Variants in DMXL1 observed in about 807,000 individuals in gnomAD.
DMXL1 encodes the protein dmX-like protein 1.
DMXL1 carries 99 observed loss-of-function variants against 319.2 expected under a neutral mutation model. That is an observed-to-expected ratio of 0.31 (90% CI 0.26 to 0.37). The LOEUF (loss-of-function observed/expected upper bound fraction) is 0.37. DMXL1 is among the 10% of genes least tolerant of loss of function. The probability of loss-of-function intolerance (pLI) is 1.00; values close to 1 mark genes in which losing one functional copy is unlikely to be tolerated. For synonymous variants in DMXL1, 1,385 were observed against 1,235.2 expected, an observed-to-expected ratio of 1.12 and a Z score of -2.54; for missense variants, 3,745 against 3,595.6, an observed-to-expected ratio of 1.04 and a Z score of -1.06.
intron 10 of DMXL1, among the ~76,000 whole-genome samples, chr5:119,130,051 G>T (rs1764488542): frequency 6.6e-6 from 1 of 151,958 alleles, no homozygotes; most frequent in Non-Finnish European, 1.5e-5. Context: ...TGTGCAGCTA[G>T]CCATCTCTGT....
chr5:119,212,056 T>C (rs1782895727), intron 34 of DMXL1, among the ~76,000 whole-genome samples: 1 of 152,206 alleles, frequency 6.6e-6, no homozygotes. Flanking sequence ...TGGTAAAATA[T>C]AAATAACATA....
At chr5:119,117,984 CTTTT>C (rs1761212568) in intron 7 of DMXL1, among the ~76,000 whole-genome samples, 1 of 152,172 alleles carries the variant, frequency 6.6e-6, no homozygotes, top group Admixed American at 6.5e-5. Context: ...AATATTGTGA[CTTTT>C]TCTTTCTTTC....
intron 30 of DMXL1, among the ~76,000 whole-genome samples, chr5:119,194,527 A>G (rs1401774876): frequency 2.6e-5 from 4 of 151,998 alleles, no homozygotes; most frequent in Admixed American, 2.0e-4. Flanking sequence ...TAAAACGTGT[A>G]TGTTTTACTA....
At chr5:119,107,800 CCT>C (rs1281997143) in intron 4 of DMXL1, among the ~76,000 whole-genome samples, 2 of 151,644 alleles carry the variant, frequency 1.3e-5, no homozygotes, top group Admixed American at 6.6e-5. Flanking sequence ...TTTTTTGGCC[CCT>C]GTCTATGAAA....
intron 4 of DMXL1, among the ~76,000 whole-genome samples, chr5:119,105,786 A>T (rs1202236782): frequency 2.0e-5 from 3 of 151,948 alleles, no homozygotes; most frequent in Admixed American, 2.0e-4. Context: ...AATCCCAGCT[A>T]CTTGGGAGGC....
At chr5:119,191,234 A>T (rs1219944932) in intron 29 of DMXL1, among the ~76,000 whole-genome samples, 1 of 152,150 alleles carries the variant, frequency 6.6e-6, no homozygotes, top group Non-Finnish European at 1.5e-5. Flanking sequence ...CTGCCTATAT[A>T]AGTATCTTTC....
intron 43 of DMXL1, among the ~76,000 whole-genome samples, chr5:119,245,940 C>T (rs1789678963): frequency 6.6e-6 from 1 of 151,396 alleles, no homozygotes; most frequent in Non-Finnish European, 1.5e-5. Context: ...ATTCAGAAGC[C>T]CTAATTTAAC....
chr5:119,150,260 C>A lies in DMXL1; in HGVS notation c.4433C>A (p.Pro1478Gln), dbSNP rs376786107. The change falls in exon 18 of 44, where the codon CCG becomes CAG. Residue 1478 changes from proline to glutamine, a missense_variant. Transcript: ENST00000539542. ...GTTATTGACCTTTCACAGTACAGTC[C>A]GACTTACTTTGGACCTGAGCATGCT... ...PRVIDLSQYS[P>Q]TYFGPEHAQV... 6.2e-7 allele frequency: 1 copy of A among 1,613,462 alleles called. No homozygotes were observed. Among genetic ancestry groups the A allele is most frequent in the African/African-American group, 1.3e-5 (1 of 74,788 alleles).
At chr5:119,142,412 C>CA (rs1767582441) in intron 13 of DMXL1, among the ~76,000 whole-genome samples, 1 of 149,356 alleles carries the variant, frequency 6.7e-6, no homozygotes. Flanking sequence ...ATACGTGTGG[C>CA]AACAAACATG....
intron 40 of DMXL1, chr5:119,238,771 A>T: frequency 2.1e-6 from 1 of 469,448 alleles, no homozygotes; most frequent in Non-Finnish European, 2.8e-6. Flanking sequence ...GAGGCAAAAC[A>T]AATGTGCCAA....
At position 119,170,374 on chromosome 5, in the gene DMXL1, T is replaced by C; in HGVS notation, c.5583T>C (p.Thr1861=). 6.2e-7 allele frequency: 1 copy of C among 1,614,028 alleles called. No homozygotes were observed. The highest frequency in any genetic ancestry group is 8.5e-7 in the Non-Finnish European group (1 of 1,179,946). ...GTGAAAGACGTTTATTTTTTACCAC[T>C]GCCAGTGCTCATTTAAAAGCTGGCT... ...NLSERRLFFT[T]ASAHLKAGCP... The change falls in exon 24 of 44, where the codon ACT becomes ACC. Residue 1861 remains threonine (T), a synonymous_variant. Transcript: ENST00000539542.
chr5:119,096,364 C>T (rs1010926699), intron 1 of DMXL1, among the ~76,000 whole-genome samples: 13 of 151,812 alleles, frequency 8.6e-5, no homozygotes, highest in African/African-American at 2.2e-4. Flanking sequence ...TTAGTAGAGA[C>T]GGGGTTTCTG....
At chr5:119,120,162 G>C (rs1204519763) in intron 8 of DMXL1, among the ~76,000 whole-genome samples, 9 of 152,218 alleles carry the variant, frequency 5.9e-5, no homozygotes, top group African/African-American at 2.2e-4. Context: ...GCCTCCCAAA[G>C]TGCTGGGATC....
chr5:119,154,347 G>A (rs543977676), intron 19 of DMXL1, among the ~76,000 whole-genome samples: 4 of 152,280 alleles, frequency 2.6e-5, no homozygotes, highest in African/African-American at 9.6e-5. Context: ...TAAATGCAAA[G>A]GACAAGGTCC....
At chr5:119,194,984 C>T (rs1779353924) in intron 30 of DMXL1, among the ~76,000 whole-genome samples, 1 of 151,772 alleles carries the variant, frequency 6.6e-6, no homozygotes, top group Non-Finnish European at 1.5e-5. Flanking sequence ...TGAAAAGATG[C>T]TCAATATCAT....
intron 13 of DMXL1, 88 bp downstream of exon 13, chr5:119,134,477 C>G (rs1765566957): frequency 1.7e-6 from 2 of 1,142,962 alleles, no homozygotes; most frequent in African/African-American, 1.6e-5. Context: ...ACAATTGTGA[C>G]CTATAATTTG....
intron 34 of DMXL1, among the ~76,000 whole-genome samples, chr5:119,213,438 A>AT (rs1266881373): frequency 1.3e-5 from 2 of 152,160 alleles, no homozygotes; most frequent in South Asian, 2.1e-4. Context: ...ACTGAAGCCC[A>AT]TCTCCCTCTC....
intron 15 of DMXL1, among the ~76,000 whole-genome samples, chr5:119,145,627 C>T (rs1487031821): frequency 1.3e-5 from 2 of 151,630 alleles, no homozygotes; most frequent in South Asian, 2.1e-4. Flanking sequence ...AAAGAAGTTA[C>T]TCTCCTTTGC....
intron 43 of DMXL1, 77 bp from the exon 44 acceptor site, chr5:119,246,918 C>T: frequency 9.1e-7 from 1 of 1,093,470 alleles, no homozygotes; most frequent in Non-Finnish European, 1.3e-6. Context: ...CAGGCATGAG[C>T]CACCGCACCT....
Sources: gnomAD v4.1 joint callset for allele counts (sites outside exome capture counted in the v4.1 genomes callset) on GRCh38, gnomAD v4.1.1 for gene constraint, MANE v1.5 for transcripts, NCBI Gene and HGNC (gene_info 2026-07-23, HGNC 2026-07-21) for gene names.